Variants in SPMIP2 observed in about 807,000 individuals in gnomAD.
The protein encoded by SPMIP2 is sperm microtubule inner protein 2.
the SPMIP2 span, chr4:159,034,905 A>C: frequency 1.3e-6 from 1 of 746,116 alleles, no homozygotes; most frequent in Non-Finnish European, 2.1e-6. Context: ...AAAAAAACCC[A>C]AAAAACAAAC....
the SPMIP2 span, among the ~76,000 whole-genome samples, chr4:159,040,319 G>C: frequency 2.3e-3 from 356 of 151,786 alleles, 2 homozygotes; most frequent in African/African-American, 8.0e-3. Flanking sequence ...TTACAGGCAC[G>C]TGCCACCATA....
chr4:158,911,741 A>C, the SPMIP2 span, among the ~76,000 whole-genome samples: 1 of 152,220 alleles, frequency 6.6e-6, no homozygotes, highest in Non-Finnish European at 1.5e-5. Context: ...GCATCTTAAC[A>C]GGATCCCCAA....
chr4:158,948,392 A>C, the SPMIP2 span, among the ~76,000 whole-genome samples: 2 of 152,208 alleles, frequency 1.3e-5, no homozygotes, highest in African/African-American at 2.4e-5. Context: ...GTTGGGTATA[A>C]AATTCTAGGT....
chr4:159,066,274 C>A, the SPMIP2 span, among the ~76,000 whole-genome samples: 1 of 151,940 alleles, frequency 6.6e-6, no homozygotes, highest in Non-Finnish European at 1.5e-5. Flanking sequence ...CTGCAGGGGA[C>A]AAAAATGAAG....
chr4:159,067,789 T>C, the SPMIP2 span, among the ~76,000 whole-genome samples: 1 of 151,920 alleles, frequency 6.6e-6, no homozygotes, highest in Non-Finnish European at 1.5e-5. Context: ...CCAGAATCTA[T>C]AATGAACTCA....
chr4:158,995,505 C>T, the SPMIP2 span, among the ~76,000 whole-genome samples: 104 of 152,280 alleles, frequency 6.8e-4, no homozygotes, highest in African/African-American at 2.2e-3. Flanking sequence ...GTCATTATGA[C>T]ATGGCCTCTG....
the SPMIP2 span, among the ~76,000 whole-genome samples, chr4:158,966,348 A>G: frequency 6.6e-6 from 1 of 152,208 alleles, no homozygotes; most frequent in Admixed American, 6.5e-5. Flanking sequence ...TAAATTTACA[A>G]TGATTTAAGA....
chr4:158,935,597 T>C, the SPMIP2 span, among the ~76,000 whole-genome samples: 3 of 152,374 alleles, frequency 2.0e-5, no homozygotes, highest in Admixed American at 6.5e-5. Flanking sequence ...TGACGGAAAT[T>C]GTGACTGCAC....
chr4:159,072,433 T>C, the SPMIP2 span, among the ~76,000 whole-genome samples: 1 of 150,920 alleles, frequency 6.6e-6, no homozygotes, highest in East Asian at 1.9e-4. Context: ...ATGATGCTCA[T>C]TGTTAATCTT....
At chr4:158,900,637 A>G in the SPMIP2 span, among the ~76,000 whole-genome samples, 1 of 152,064 alleles carries the variant, frequency 6.6e-6, no homozygotes, top group Admixed American at 6.5e-5. Flanking sequence ...AGTCTGTTTT[A>G]TCAGGACTAG....
the SPMIP2 span, among the ~76,000 whole-genome samples, chr4:159,030,968 G>A: frequency 1.3e-5 from 2 of 151,974 alleles, no homozygotes; most frequent in African/African-American, 2.4e-5. Context: ...GATTTCTCAT[G>A]ATATTTTGTT....
At chr4:158,928,940 C>T in the SPMIP2 span, among the ~76,000 whole-genome samples, 5 of 152,250 alleles carry the variant, frequency 3.3e-5, no homozygotes, top group East Asian at 1.9e-4. Context: ...AAACTCTGAA[C>T]GCATCAGAAC....
At chr4:159,064,183 C>G in the SPMIP2 span, 2 of 152,170 alleles carry the variant, frequency 1.3e-5, no homozygotes, top group East Asian at 3.9e-4. Flanking sequence ...TGCACTCCAG[C>G]CTGGGTGACA....
chr4:158,998,769 A>C, the SPMIP2 span, among the ~76,000 whole-genome samples: 1 of 152,218 alleles, frequency 6.6e-6, no homozygotes, highest in African/African-American at 2.4e-5. Flanking sequence ...TATTGCTCTG[A>C]GTAATGATGG....
At chr4:158,987,328 C>A in the SPMIP2 span, among the ~76,000 whole-genome samples, 1 of 152,134 alleles carries the variant, frequency 6.6e-6, no homozygotes, top group Non-Finnish European at 1.5e-5. Flanking sequence ...AAGACACATG[C>A]ACACATATGT....
At chr4:159,068,015 T>G in the SPMIP2 span, among the ~76,000 whole-genome samples, 28 of 152,180 alleles carry the variant, frequency 1.8e-4, 1 homozygote, top group East Asian at 1.5e-3. Flanking sequence ...GAAACAACAG[T>G]TGCTGGAGAG....
chr4:159,057,755 TA>T, the SPMIP2 span, among the ~76,000 whole-genome samples: 1 of 151,676 alleles, frequency 6.6e-6, no homozygotes, highest in South Asian at 2.1e-4. Flanking sequence ...GAAATATTTA[TA>T]AAGTAATGTT....
At chr4:158,929,284 T>A in the SPMIP2 span, among the ~76,000 whole-genome samples, 11 of 152,234 alleles carry the variant, frequency 7.2e-5, no homozygotes, top group Admixed American at 7.2e-4. Context: ...TCTCAAAGTG[T>A]TGGGATTACA....
chr4:158,982,125 A>T, the SPMIP2 span, among the ~76,000 whole-genome samples: 1 of 152,234 alleles, frequency 6.6e-6, no homozygotes, highest in African/African-American at 2.4e-5. Flanking sequence ...AAAGACAAAG[A>T]AGAGCATTAC....
Sources: gnomAD v4.1 joint callset for allele counts (sites outside exome capture counted in the v4.1 genomes callset) on GRCh38, gnomAD v4.1.1 for gene constraint, MANE v1.5 for transcripts, NCBI Gene and HGNC (gene_info 2026-07-23, HGNC 2026-07-21) for gene names.